The following MCU variants were observed in gnomAD, a reference collection of about 807,000 sequenced individuals.
MCU encodes calcium uniporter protein, mitochondrial.
A neutral mutation model predicts 45.2 loss-of-function variants in MCU; 12 were observed. The ratio of observed to expected loss-of-function variants is 0.27; its 90% CI spans 0.17 to 0.43. MCU has a LOEUF of 0.43. Among genes scored for constraint, MCU ranks in the 20% least tolerant of loss-of-function variants. The pLI, the probability that MCU is intolerant of heterozygous loss-of-function variation, is 1.00. For missense variants in MCU, 324 were observed against 436.7 expected, an observed-to-expected ratio of 0.74 and a Z score of 2.30; for synonymous variants, 160 against 165.1, an observed-to-expected ratio of 0.97 and a Z score of 0.24.
At chr10:72,861,103 C>G (rs1200895256) in intron 4 of MCU, among the ~76,000 whole-genome samples, 6 of 152,092 alleles carry the variant, frequency 3.9e-5, no homozygotes, top group Non-Finnish European at 8.8e-5. Context: ...CAGCTCACTG[C>G]AGCCTCGACC....
At chr10:72,826,461 C>T (rs1474326112) in intron 1 of MCU, among the ~76,000 whole-genome samples, 3 of 152,116 alleles carry the variant, frequency 2.0e-5, no homozygotes, top group Non-Finnish European at 4.4e-5. Flanking sequence ...GAAGTTTTAT[C>T]TCAATATGTT....
intron 1 of MCU, among the ~76,000 whole-genome samples, chr10:72,776,117 A>G (rs779774274): frequency 6.6e-6 from 1 of 152,028 alleles, no homozygotes; most frequent in Non-Finnish European, 1.5e-5. Flanking sequence ...GCAGTGAGCT[A>G]TCATTGCACT....
chr10:72,706,840 T>G (rs2132655677), intron 1 of MCU, among the ~76,000 whole-genome samples: 1 of 150,336 alleles, frequency 6.7e-6, no homozygotes, highest in South Asian at 2.1e-4. Flanking sequence ...CGGCCTTTTT[T>G]TTTTTTTTTG....
intron 1 of MCU, among the ~76,000 whole-genome samples, chr10:72,799,172 C>T (rs1164581014): frequency 6.6e-6 from 1 of 152,236 alleles, no homozygotes; most frequent in South Asian, 2.1e-4. Flanking sequence ...GATTCACCCG[C>T]CTCAGCCTCC....
intron 2 of MCU, among the ~76,000 whole-genome samples, chr10:72,848,909 GAAGA>G (rs1404828264): frequency 6.6e-6 from 1 of 152,158 alleles, no homozygotes; most frequent in African/African-American, 2.4e-5. Flanking sequence ...GTAGCTGATA[GAAGA>G]AAGAGATGGT....
intron 1 of MCU, among the ~76,000 whole-genome samples, chr10:72,833,833 C>T (rs774726896): frequency 1.3e-5 from 2 of 152,154 alleles, no homozygotes; most frequent in African/African-American, 2.4e-5. Context: ...TGATTAAGGA[C>T]TCAACTAGTG....
intron 1 of MCU, among the ~76,000 whole-genome samples, chr10:72,746,682 T>A (rs1347925748): frequency 1.3e-5 from 2 of 152,254 alleles, no homozygotes; most frequent in Non-Finnish European, 2.9e-5. Context: ...TGCATAATTG[T>A]AATGTTTAGC....
intron 1 of MCU, among the ~76,000 whole-genome samples, chr10:72,714,426 C>T (rs1469833917): frequency 7.2e-6 from 1 of 138,650 alleles, no homozygotes; most frequent in Non-Finnish European, 1.5e-5. Flanking sequence ...TTCCTGGGCT[C>T]AAGCAATCCT....
At chr10:72,873,173 C>T (rs1316583772) in intron 6 of MCU, among the ~76,000 whole-genome samples, 2 of 151,800 alleles carry the variant, frequency 1.3e-5, no homozygotes, top group African/African-American at 4.8e-5. Context: ...TGCCCGCCAC[C>T]ACGCCCGGCT....
chr10:72,695,632 G>C (rs1842676383), intron 1 of MCU, among the ~76,000 whole-genome samples: 1 of 151,974 alleles, frequency 6.6e-6, no homozygotes, highest in Non-Finnish European at 1.5e-5. Flanking sequence ...TTACACATGA[G>C]GAAACCTAAT....
intron 1 of MCU, among the ~76,000 whole-genome samples, chr10:72,720,338 A>G (rs1229753590): frequency 6.6e-6 from 1 of 152,232 alleles, no homozygotes; most frequent in Non-Finnish European, 1.5e-5. Context: ...TGCTCAAGCT[A>G]GTAAGTGATG....
At chr10:72,745,701 A>T (rs899283465) in intron 1 of MCU, among the ~76,000 whole-genome samples, 23 of 152,094 alleles carry the variant, frequency 1.5e-4, no homozygotes, top group African/African-American at 4.8e-4. Flanking sequence ...ATATATCATT[A>T]CCATAAAATG....
intron 1 of MCU, among the ~76,000 whole-genome samples, chr10:72,769,743 AC>A (rs1238750315): frequency 6.6e-6 from 1 of 152,028 alleles, no homozygotes; most frequent in East Asian, 1.9e-4. Flanking sequence ...CCAGAAGGAA[AC>A]CCCATACCCA....
At chr10:72,852,265 T>A (rs1589496447) in intron 2 of MCU, among the ~76,000 whole-genome samples, 1 of 152,250 alleles carries the variant, frequency 6.6e-6, no homozygotes, top group Admixed American at 6.5e-5. Flanking sequence ...TAACAAATTT[T>A]AAAAATATCT....
intron 7 of MCU, among the ~76,000 whole-genome samples, chr10:72,885,212 T>C (rs1408408118): frequency 6.6e-6 from 1 of 152,222 alleles, no homozygotes; most frequent in Non-Finnish European, 1.5e-5. Flanking sequence ...AAAGTACAGA[T>C]GCTTCAGTCT....
Position 72,885,869 on chromosome 10 carries a change from T to A in MCU, c.*47T>A. 1 of 1,503,248 alleles carries A rather than the reference T, an allele frequency of 6.7e-7. No individual in the cohort carries two copies. Among genetic ancestry groups the A allele is most frequent in the South Asian group, 1.1e-5 (1 of 87,822 alleles). The allele number at this position is 1,503,248 out of a possible 1,614,324, so 93.1% of individuals were successfully genotyped here. ...CTGGCAGAAGGAACACCTGTTTGCC[T>A]TTTTAATTAAAGCATTGCAGGTGGA... On this transcript the variant is annotated 3_prime_UTR_variant, in exon 8 of 8. Coordinates refer to ENST00000373053, the MANE Select transcript of MCU (RefSeq NM_138357.3).
chr10:72,846,924 TC>T (rs553004595), intron 2 of MCU, among the ~76,000 whole-genome samples: 1 of 152,260 alleles, frequency 6.6e-6, no homozygotes, highest in South Asian at 2.1e-4. Flanking sequence ...CAGGGAAACT[TC>T]CTCCCAGTGT....
intron 1 of MCU, among the ~76,000 whole-genome samples, chr10:72,769,100 C>T (rs1402376043): frequency 1.3e-5 from 2 of 152,122 alleles, no homozygotes; most frequent in African/African-American, 4.8e-5. Context: ...GTGATCCTCC[C>T]TCCTCAAAGC....
At chr10:72,716,159 T>G (rs764353418) in intron 1 of MCU, among the ~76,000 whole-genome samples, 2 of 152,254 alleles carry the variant, frequency 1.3e-5, no homozygotes, top group African/African-American at 2.4e-5. Context: ...CAGAGTTTAG[T>G]TGTTACAACA....
Sources: gnomAD v4.1 joint callset for allele counts (sites outside exome capture counted in the v4.1 genomes callset) on GRCh38, gnomAD v4.1.1 for gene constraint, MANE v1.5 for transcripts, NCBI Gene and HGNC (gene_info 2026-07-23, HGNC 2026-07-21) for gene names.